SMYD3: variants seen among roughly 807,000 people sequenced by gnomAD.
SMYD3 encodes the protein SET and MYND domain containing 3.
SMYD3 carries 36 observed loss-of-function variants against 57.7 expected under a neutral mutation model. The observed-to-expected ratio is 0.62, with a 90% CI of 0.48 to 0.82. The LOEUF is 0.82. SMYD3 is among the 40% of genes least tolerant of loss of function. The pLI is 0.00. For missense variants in SMYD3, 515 were observed against 538.8 expected (o/e 0.96, Z 0.44); for synonymous variants, 211 against 195.0 (o/e 1.08, Z -0.68).
intron 1 of SMYD3, among the ~76,000 whole-genome samples, chr1:246,461,707 C>A (rs1027707908): frequency 7.2e-6 from 1 of 138,998 alleles, no homozygotes; most frequent in Middle Eastern, 4.3e-3. Flanking sequence ...GCACTCCAGC[C>A]TGGGCAACAG....
chr1:246,453,283 G>C (rs951124605), intron 1 of SMYD3, among the ~76,000 whole-genome samples: 2 of 152,132 alleles, frequency 1.3e-5, no homozygotes, highest in South Asian at 2.1e-4. Context: ...TATGAAACAC[G>C]ATATCGGACT....
chr1:246,453,073 C>A (rs1056052365), intron 1 of SMYD3, among the ~76,000 whole-genome samples: 42 of 152,306 alleles, frequency 2.8e-4, no homozygotes, highest in African/African-American at 9.9e-4. Context: ...GAACACTTTA[C>A]AAATACTAAA....
Position 246,428,533 on chromosome 1 carries a change from GA to G in SMYD3, c.165-73440del, listed in dbSNP as rs530063496. Among the ~76,000 whole-genome samples the G allele has an allele frequency of 8.5e-5, 13 of 152,334 alleles. No homozygotes were observed. The South Asian group carries it at 2.7e-3, about 32-fold the overall frequency. ...TATTTAATCCTTGCCACAACTTTCT[GA>G]GAGTTGTTATCCTCATTTTACAGAT... On this transcript the variant is annotated intron_variant, in intron 1 of 11. Transcript: ENST00000490107.
chr1:246,160,653 G>GA (rs1315412253), intron 5 of SMYD3, among the ~76,000 whole-genome samples: 1 of 152,204 alleles, frequency 6.6e-6, no homozygotes, highest in Admixed American at 6.5e-5. Flanking sequence ...AGGGAGCTAT[G>GA]AAGGTGGCTG....
At chr1:246,022,346 C>T (rs1424253929) in intron 5 of SMYD3, among the ~76,000 whole-genome samples, 1 of 152,102 alleles carries the variant, frequency 6.6e-6, no homozygotes, top group Non-Finnish European at 1.5e-5. Context: ...AAAATGAGGG[C>T]CAATGTCTAT....
intron 5 of SMYD3, among the ~76,000 whole-genome samples, chr1:246,151,333 T>C (rs1390791879): frequency 6.6e-6 from 1 of 151,998 alleles, no homozygotes; most frequent in Non-Finnish European, 1.5e-5. Flanking sequence ...ACAAGCAGGA[T>C]AGATGGACTT....
chr1:246,476,412 T>C (rs2068032177), intron 1 of SMYD3, among the ~76,000 whole-genome samples: 1 of 152,244 alleles, frequency 6.6e-6, no homozygotes, highest in Non-Finnish European at 1.5e-5. Context: ...CTTGTTAAAA[T>C]GTAGATTCTG....
At chr1:246,230,267 CT>C (rs1250489208) in intron 5 of SMYD3, among the ~76,000 whole-genome samples, 43 of 152,142 alleles carry the variant, frequency 2.8e-4, no homozygotes, top group Non-Finnish European at 5.3e-4. Context: ...TGACATCAAT[CT>C]TTTTTTCACA....
chr1:246,036,493 A>G (rs2059773350), intron 5 of SMYD3, among the ~76,000 whole-genome samples: 1 of 151,006 alleles, frequency 6.6e-6, no homozygotes, highest in Admixed American at 6.6e-5. Context: ...ACAAATAACC[A>G]TAAACTACAC....
chr1:246,008,414 G>A (rs61839427), intron 5 of SMYD3, among the ~76,000 whole-genome samples: 6,220 of 152,278 alleles, frequency 0.041, 163 homozygotes, highest in Middle Eastern at 0.075. Context: ...CCTCTCAGCC[G>A]AGGACTGGCT....
intron 3 of SMYD3, among the ~76,000 whole-genome samples, chr1:246,333,092 A>G (rs965756640): frequency 6.6e-6 from 1 of 152,200 alleles, no homozygotes; most frequent in African/African-American, 2.4e-5. Flanking sequence ...GTGTTCATTT[A>G]CCATTCCTAA....
intron 1 of SMYD3, among the ~76,000 whole-genome samples, chr1:246,499,325 A>G (rs1354286270): frequency 6.6e-6 from 1 of 151,768 alleles, no homozygotes; most frequent in Non-Finnish European, 1.5e-5. Context: ...ATATAGTTTG[A>G]TTCCTTAAAA....
intron 5 of SMYD3, among the ~76,000 whole-genome samples, chr1:246,317,041 A>C (rs2065172980): frequency 6.6e-6 from 1 of 151,922 alleles, no homozygotes; most frequent in South Asian, 2.1e-4. Context: ...AAAAGGAAAC[A>C]GCTAAGAATG....
At chr1:245,806,720 C>T (rs1193625223) in intron 10 of SMYD3, among the ~76,000 whole-genome samples, 1 of 151,196 alleles carries the variant, frequency 6.6e-6, no homozygotes, top group South Asian at 2.1e-4. Flanking sequence ...ACCATCCTGG[C>T]TAACAAGGTG....
chr1:246,165,550 G>A (rs933565211), intron 5 of SMYD3, among the ~76,000 whole-genome samples: 9 of 152,100 alleles, frequency 5.9e-5, no homozygotes, highest in Non-Finnish European at 7.4e-5. Context: ...TGCTTTCAGG[G>A]GTGAGGAGAG....
intron 10 of SMYD3, among the ~76,000 whole-genome samples, chr1:245,782,868 C>T (rs1044542820): frequency 6.6e-5 from 10 of 152,192 alleles, no homozygotes; most frequent in African/African-American, 2.4e-4. Flanking sequence ...TTGCTGAGGG[C>T]AATGCATAGT....
At chr1:245,852,471 C>T (rs1256713081) in intron 10 of SMYD3, among the ~76,000 whole-genome samples, 1 of 152,176 alleles carries the variant, frequency 6.6e-6, no homozygotes, top group Non-Finnish European at 1.5e-5. Flanking sequence ...GAGATGTTCT[C>T]ATTTCTCTTG....
chr1:245,795,793 G>C (rs2047497057), intron 10 of SMYD3, among the ~76,000 whole-genome samples: 1 of 152,090 alleles, frequency 6.6e-6, no homozygotes, highest in African/African-American at 2.4e-5. Context: ...AGCACTGAAC[G>C]CTCTTGTCCC....
At chr1:246,345,493 T>C (rs2065699629) in intron 2 of SMYD3, among the ~76,000 whole-genome samples, 5 of 152,218 alleles carry the variant, frequency 3.3e-5, no homozygotes, top group Admixed American at 3.3e-4. Context: ...GTTTGCGTTA[T>C]ACTTACTGGC....
Sources: allele counts gnomAD v4.1 joint callset (sites outside exome capture counted in the v4.1 genomes callset), GRCh38; gene constraint gnomAD v4.1.1; transcripts MANE v1.5; gene names NCBI Gene and HGNC (gene_info 2026-07-23, HGNC 2026-07-21).